ESR1: variants seen among roughly 807,000 people sequenced by gnomAD.
ESR1 encodes estrogen receptor 1, also known as estrogen receptor.
ESR1 carries 12 observed loss-of-function variants against 52.7 expected under a neutral mutation model. That is an observed-to-expected ratio of 0.23 (90% CI 0.15 to 0.37). ESR1 has a LOEUF of 0.37. ESR1 is among the 10% of genes least tolerant of loss of function. ESR1 has a pLI of 1.00. For missense variants in ESR1, 584 were observed against 779.7 expected, an observed-to-expected ratio of 0.75 and a Z score of 2.99; for synonymous variants, 305 against 316.8, an observed-to-expected ratio of 0.96 and a Z score of 0.39.
intron 6 of ESR1, among the ~76,000 whole-genome samples, chr6:152,082,796 A>C (rs1025938949): frequency 6.6e-6 from 1 of 152,212 alleles, no homozygotes; most frequent in African/African-American, 2.4e-5. Context: ...TGCAAAAATC[A>C]CAGGCATTCC....
chr6:151,986,513 T>C (rs1269126649), intron 4 of ESR1, among the ~76,000 whole-genome samples: 2 of 152,124 alleles, frequency 1.3e-5, no homozygotes, highest in African/African-American at 4.8e-5. Context: ...AGTAAGATTA[T>C]AAAAGTGGCA....
chr6:151,864,122 A>G (rs971273078), intron 2 of ESR1, among the ~76,000 whole-genome samples: 1 of 152,204 alleles, frequency 6.6e-6, no homozygotes, highest in African/African-American at 2.4e-5. Context: ...CTGAAAACAC[A>G]GCAAAAGAAA....
In ESR1 at chr6:151,808,223, C is replaced by A; in HGVS notation, c.311C>A (p.Ser104Tyr). The change falls in exon 1 of 8, where the codon TCT becomes TAT. Residue 104 changes from serine to tyrosine, a missense_variant. Coordinates refer to ENST00000206249, the MANE Select transcript of ESR1 (RefSeq NM_000125.4). ...GGTTTCCCCCCACTCAACAGCGTGTCTCCGAGCCCGCTGATGCTACTGCAC... is the reference window on the plus strand; with the variant it reads ...GGTTTCCCCCCACTCAACAGCGTGTATCCGAGCCCGCTGATGCTACTGCAC... ...LGGFPPLNSV[S>Y]PSPLMLLHPP... 1 of 1,571,512 alleles carries A rather than the reference C, an allele frequency of 6.4e-7. No individual in the cohort carries two copies. The highest frequency in any genetic ancestry group is 8.6e-7 in the Non-Finnish European group (1 of 1,158,518).
chr6:152,031,231 A>G (rs1321456746), intron 5 of ESR1, among the ~76,000 whole-genome samples: 2 of 152,238 alleles, frequency 1.3e-5, no homozygotes, highest in African/African-American at 4.8e-5. Context: ...TAAAAGAACT[A>G]GAGAAGCAAG....
At chr6:151,826,724 G>C (rs1236687711) in intron 1 of ESR1, among the ~76,000 whole-genome samples, 1 of 152,126 alleles carries the variant, frequency 6.6e-6, no homozygotes, top group Non-Finnish European at 1.5e-5. Flanking sequence ...GCTGACCCAC[G>C]TTGCTCATTT....
intron 1 of ESR1, among the ~76,000 whole-genome samples, chr6:151,679,402 T>G (rs1459618800): frequency 6.6e-6 from 1 of 152,198 alleles, no homozygotes; most frequent in East Asian, 1.9e-4. Flanking sequence ...CAGGCTGGTG[T>G]GTGGTGGCGC....
At chr6:151,910,556 T>C (rs1434537167) in intron 3 of ESR1, among the ~76,000 whole-genome samples, 1 of 152,210 alleles carries the variant, frequency 6.6e-6, no homozygotes, top group Non-Finnish European at 1.5e-5. Flanking sequence ...TTTTGGAGAC[T>C]TGGATTGTGC....
intron 3 of ESR1, among the ~76,000 whole-genome samples, chr6:151,886,446 A>G (rs1397237031): frequency 6.6e-6 from 1 of 152,220 alleles, no homozygotes; most frequent in African/African-American, 2.4e-5. Flanking sequence ...ATTTATTTTA[A>G]TAACAAATGT....
At chr6:152,009,581 A>G (rs1377065121) in intron 4 of ESR1, among the ~76,000 whole-genome samples, 1 of 152,052 alleles carries the variant, frequency 6.6e-6, no homozygotes, top group Non-Finnish European at 1.5e-5. Context: ...GAACATAGCA[A>G]GCACTGGTGA....
upstream of ESR1, among the ~76,000 whole-genome samples, chr6:151,801,055 T>TG (rs1340868443): frequency 6.8e-6 from 1 of 147,138 alleles, no homozygotes; most frequent in African/African-American, 2.5e-5. Context: ...TTATGTGGTG[T>TG]GTGTGTGTGT....
chr6:151,966,018 G>A (rs1004092237), intron 4 of ESR1, among the ~76,000 whole-genome samples: 22 of 152,114 alleles, frequency 1.4e-4, no homozygotes, highest in African/African-American at 5.1e-4. Context: ...GCTTTGCTGT[G>A]CCTTACCTCA....
intron 2 of ESR1, among the ~76,000 whole-genome samples, chr6:151,775,503 T>C (rs1785884351): frequency 6.6e-6 from 1 of 152,070 alleles, no homozygotes; most frequent in African/African-American, 2.4e-5. Flanking sequence ...ATCCCAGCAC[T>C]TTGGGAAGCC....
intron 3 of ESR1, among the ~76,000 whole-genome samples, chr6:151,940,424 A>G (rs1028889824): frequency 6.6e-6 from 1 of 152,196 alleles, no homozygotes; most frequent in Non-Finnish European, 1.5e-5. Flanking sequence ...GATTTTATAA[A>G]TAGTCATCTC....
chr6:151,917,958 T>C (rs1209680510), intron 3 of ESR1, among the ~76,000 whole-genome samples: 1 of 152,212 alleles, frequency 6.6e-6, no homozygotes, highest in Admixed American at 6.5e-5. Context: ...TATTTTAAAA[T>C]GAATTGTAAA....
At chr6:151,924,219 T>C (rs1402938672) in intron 3 of ESR1, among the ~76,000 whole-genome samples, 1 of 152,060 alleles carries the variant, frequency 6.6e-6, no homozygotes, top group African/African-American at 2.4e-5. Context: ...ATTGTTGTAT[T>C]TTTAGTAGAG....
chr6:151,992,518 A>G (rs1320933086), intron 4 of ESR1, among the ~76,000 whole-genome samples: 1 of 152,168 alleles, frequency 6.6e-6, no homozygotes, highest in African/African-American at 2.4e-5. Flanking sequence ...CAATACATAG[A>G]AGACAATGAA....
At chr6:151,690,722 G>C (rs1203025932) in intron 1 of ESR1, 1 of 152,106 alleles carries the variant, frequency 6.6e-6, no homozygotes, top group Non-Finnish European at 1.5e-5. Context: ...ATGTGCTACT[G>C]TTTACAAGCA....
chr6:151,750,819 G>A (rs553249684), intron 2 of ESR1, among the ~76,000 whole-genome samples: 8 of 152,060 alleles, frequency 5.3e-5, no homozygotes, highest in African/African-American at 1.2e-4. Flanking sequence ...AAAAAATCAC[G>A]TTCTCACAAA....
chr6:152,105,936 C>T (rs546257668), downstream of ESR1, among the ~76,000 whole-genome samples: 195 of 150,638 alleles, frequency 1.3e-3, no homozygotes, highest in Middle Eastern at 3.4e-3. Flanking sequence ...TACAGGCGCC[C>T]GCCACCGCGC....
Sources: allele counts gnomAD v4.1 joint callset (sites outside exome capture counted in the v4.1 genomes callset), GRCh38; gene constraint gnomAD v4.1.1; transcripts MANE v1.5; gene names NCBI Gene and HGNC (gene_info 2026-07-23, HGNC 2026-07-21).